The following ETV7 variants were observed in gnomAD, a reference collection of about 807,000 sequenced individuals.
ETV7 encodes the protein ETS variant transcription factor 7, also known as transcription factor ETV7.
ETV7 carries 43 observed loss-of-function variants against 39.1 expected under a neutral mutation model. That is an observed-to-expected ratio of 1.10 (90% confidence interval 0.86 to 1.42). ETV7 has a LOEUF of 1.42. Ranked by LOEUF, ETV7 falls within the 40% of genes most tolerant of loss-of-function variation. The pLI, the probability that ETV7 is intolerant of heterozygous loss-of-function variation, is 0.00. For synonymous variants in ETV7, 196 were observed against 176.6 expected, an observed-to-expected ratio of 1.11 and a Z score of -0.87; for missense variants, 432 against 442.3, an observed-to-expected ratio of 0.98 and a Z score of 0.21.
At chr6:36,384,776 C>G (rs1773812824) in intron 2 of ETV7, among the ~76,000 whole-genome samples, 1 of 152,022 alleles carries the variant, frequency 6.6e-6, no homozygotes, top group Admixed American at 6.6e-5. Context: ...GTAGTTCCAG[C>G]TACTCAGGAG....
chr6:36,381,289 G>A (rs892422128), intron 2 of ETV7, among the ~76,000 whole-genome samples: 1 of 152,150 alleles, frequency 6.6e-6, no homozygotes, highest in Non-Finnish European at 1.5e-5. Flanking sequence ...GAGGGATGCC[G>A]GTTCAAATCC....
downstream of ETV7, chr6:36,366,050 T>C: frequency 3.1e-6 from 1 of 322,536 alleles, no homozygotes; most frequent in Non-Finnish European, 4.5e-6. Flanking sequence ...GGTGGGCAGC[T>C]GTAATCCCAG....
chr6:36,371,360 G>A lies in ETV7; in HGVS notation c.634C>T (p.Pro212Ser), dbSNP rs1335073566. 21 of 1,596,508 alleles carry A rather than the reference G, an allele frequency of 1.3e-5. No individual in the cohort carries two copies. Among genetic ancestry groups the A allele is most frequent in the Non-Finnish European group, 1.7e-5 (20 of 1,170,404 alleles). ...ATCCTGCCGTCAATGGGGGCCTGCGGCATCGCGGGGAAGGAACAGACCCCC... is the reference window on the plus strand; with the variant it reads ...ATCCTGCCGTCAATGGGGGCCTGCGACATCGCGGGGAAGGAACAGACCCCC... ...TQGVCSFPAM[P>S]QAPIDGRIAD... Residue 212 changes from proline to serine, a missense_variant, in exon 5 of 8, where the codon CCG becomes TCG. Physicochemically the swap from Pro to Ser is moderately conservative, Grantham distance 74. Coordinates refer to ENST00000340181, the MANE Select transcript of ETV7 (RefSeq NM_016135.4).
chr6:36,354,539 C>T (rs1772289090), exon 8 of ETV7: 3 of 623,622 alleles, frequency 4.8e-6, no homozygotes, highest in South Asian at 3.7e-5. Flanking sequence ...ATGCCATTAC[C>T]AATCTTTGTT....
chr6:36,374,186 T>C (rs2127393355), intron 3 of ETV7, among the ~76,000 whole-genome samples: 1 of 152,038 alleles, frequency 6.6e-6, no homozygotes, highest in South Asian at 2.1e-4. Flanking sequence ...GGATAGACCC[T>C]GTCTCTACAA....
rs61730656 is a variant in ETV7 at position 36,371,366 on chromosome 6, C to T, written c.628G>A (p.Ala210Thr). Reference sequence around the variant, plus strand: ...CCGTCAATGGGGGCCTGCGGCATCGCGGGGAAGGAACAGACCCCCTGGGTC... The same window carrying T: ...CCGTCAATGGGGGCCTGCGGCATCGTGGGGAAGGAACAGACCCCCTGGGTC... Reference protein sequence around the residue: ...CRTQGVCSFPAMPQAPIDGRI... With the variant: ...CRTQGVCSFPTMPQAPIDGRI... Residue 210 changes from alanine to threonine, a missense_variant, in exon 5 of 8, where the codon GCG (alanine) becomes ACG (threonine). By Grantham distance (58) the Ala-to-Thr change is moderately conservative (BLOSUM62 0). Transcript: ENST00000340181. The T allele has an allele frequency of 7.6e-3, 12,192 of 1,599,130 alleles. 64 individuals are homozygous for T. The highest frequency in any genetic ancestry group is 9.7e-3 in the Non-Finnish European group (11,422 of 1,171,868).
chr6:36,362,276 TG>T (rs1361407615), downstream of ETV7, among the ~76,000 whole-genome samples: 1 of 151,162 alleles, frequency 6.6e-6, no homozygotes, highest in East Asian at 1.9e-4. Context: ...CAGTCCGGCC[TG>T]TGTGAAAGAG....
At chr6:36,360,681 G>T (rs777926121) in intron 7 of ETV7, among the ~76,000 whole-genome samples, 44 of 152,166 alleles carry the variant, frequency 2.9e-4, no homozygotes, top group Non-Finnish European at 8.8e-5. Flanking sequence ...GCACCACCTA[G>T]TGGACATGGT....
intron 7 of ETV7, among the ~76,000 whole-genome samples, chr6:36,355,560 C>A (rs116760106): frequency 6.6e-6 from 1 of 152,164 alleles, no homozygotes; most frequent in Non-Finnish European, 1.5e-5. Flanking sequence ...TACAGGCATG[C>A]GCCATTGCGC....
At chr6:36,362,988 G>C (rs887403902), downstream of ETV7, among the ~76,000 whole-genome samples, 11 of 152,242 alleles carry the variant, frequency 7.2e-5, no homozygotes, top group East Asian at 1.3e-3. Flanking sequence ...CTTCAGGAGC[G>C]AAGAAGCTGG....
intron 2 of ETV7, 39 bp from the exon 3 acceptor site, chr6:36,376,074 G>A: frequency 1.9e-6 from 3 of 1,562,952 alleles, no homozygotes; most frequent in Non-Finnish European, 2.6e-6. Context: ...CTCCCCGTCG[G>A]GCCTCCTCAA....
intron 7 of ETV7, among the ~76,000 whole-genome samples, chr6:36,360,344 TAAG>T (rs1477384361): frequency 6.6e-6 from 1 of 152,062 alleles, no homozygotes; most frequent in Admixed American, 6.6e-5. Context: ...GAAGAGGAGA[TAAG>T]AAGTTATTCC....
chr6:36,383,101 A>G (rs914866035), intron 2 of ETV7, among the ~76,000 whole-genome samples: 1 of 152,148 alleles, frequency 6.6e-6, no homozygotes, highest in Admixed American at 6.5e-5. Context: ...ATATCAGCCC[A>G]GTTCTGAAAA....
At chr6:36,365,453 G>GTCAGT (rs1238540746), downstream of ETV7, among the ~76,000 whole-genome samples, 4 of 152,338 alleles carry the variant, frequency 2.6e-5, no homozygotes, top group African/African-American at 9.6e-5. Flanking sequence ...GTCAGGTCAG[G>GTCAGT]AGAAGGAGCC....
chr6:36,371,669 C>G (rs994527634), intron 4 of ETV7, 109 bp from the exon 5 acceptor site: 3 of 975,640 alleles, frequency 3.1e-6, no homozygotes, highest in Admixed American at 2.1e-5. Flanking sequence ...TCCTGATGCT[C>G]TTTCTCCAAC....
In ETV7 at chr6:36,373,514, G is replaced by A; in HGVS notation, c.372C>T (p.Pro124=). ...KTQRRALVCG[P]FFGGIFRLKT... The stretch of plus-strand genomic sequence containing the variant: ...TCAGCCTGAAGATCCCTCCAAAAAA[G>A]GGCCCACACACCAGGGCTCGCCGCT... Residue 124 remains proline (P), a synonymous_variant, in exon 4 of 8, where the codon CCC becomes CCT. Transcript: ENST00000340181. 6.4e-7 allele frequency: 1 copy of A among 1,568,818 alleles called. No homozygotes were observed. The highest frequency in any genetic ancestry group is 2.4e-5 in the East Asian group (1 of 41,464).
chr6:36,370,070 CTA>C (rs1772935398), intron 5 of ETV7, among the ~76,000 whole-genome samples: 1 of 152,204 alleles, frequency 6.6e-6, no homozygotes, highest in Admixed American at 6.5e-5. Flanking sequence ...TTCATCATTT[CTA>C]TGTGTTGGGC....
intron 7 of ETV7, among the ~76,000 whole-genome samples, chr6:36,357,138 T>C (rs988911171): frequency 6.6e-6 from 1 of 152,118 alleles, no homozygotes; most frequent in Non-Finnish European, 1.5e-5. Flanking sequence ...AAAATCAAGA[T>C]ACCATTTGCC....
intron 2 of ETV7, among the ~76,000 whole-genome samples, chr6:36,377,203 G>A (rs9470264): frequency 0.069 from 10,486 of 152,236 alleles, 828 homozygotes; most frequent in Admixed American, 0.17. Flanking sequence ...GCTCCCACCC[G>A]TAATCCCAGC....
Sources: allele counts gnomAD v4.1 joint callset (sites outside exome capture counted in the v4.1 genomes callset), GRCh38; gene constraint gnomAD v4.1.1; transcripts MANE v1.5; gene names NCBI Gene and HGNC (gene_info 2026-07-23, HGNC 2026-07-21).